Variants in UNC5D observed in about 807,000 individuals in gnomAD.
The protein encoded by UNC5D is netrin receptor UNC5D.
A neutral mutation model predicts 105.4 loss-of-function variants in UNC5D; 39 were observed. The ratio of observed to expected loss-of-function variants is 0.37; its 90% CI spans 0.29 to 0.48. UNC5D has a LOEUF of 0.48. Among genes scored for constraint, UNC5D ranks in the 20% least tolerant of loss-of-function variants. The pLI is 0.98. For synonymous variants in UNC5D, 452 were observed against 450.4 expected, an observed-to-expected ratio of 1.00 and a Z score of -0.04; for missense variants, 991 against 1,202.4, an observed-to-expected ratio of 0.82 and a Z score of 2.60.
At chr8:35,657,330 G>C (rs1291663850) in intron 4 of UNC5D, among the ~76,000 whole-genome samples, 1 of 151,492 alleles carries the variant, frequency 6.6e-6, no homozygotes, top group African/African-American at 2.4e-5. Context: ...CAAAAAATCT[G>C]AAGGGCTAAT....
In UNC5D at chr8:35,726,378, T is replaced by A. The variant is rs749601240; in HGVS notation, c.1530T>A (p.Phe510Leu). ...EYHGKNHSRTFPHGNNHSFST... is the reference protein window; with the variant it reads ...EYHGKNHSRTLPHGNNHSFST... ...ACGGCAAGAATCATTCCAGGACTTT[T>A]CCCCATGGAAACAACCACAGCTTTA... The change falls in exon 10 of 17, where the codon TTT becomes TTA. Residue 510 changes from phenylalanine to leucine, a missense_variant. Physicochemically the swap from Phe to Leu is conservative, Grantham distance 22. Transcript: ENST00000404895. 6.2e-7 allele frequency: 1 copy of A among 1,614,070 alleles called. No individual in the cohort carries two copies. The highest frequency in any genetic ancestry group is 8.5e-7 in the Non-Finnish European group (1 of 1,180,002).
At chr8:35,433,908 G>C (rs1164604175) in intron 1 of UNC5D, among the ~76,000 whole-genome samples, 1 of 151,142 alleles carries the variant, frequency 6.6e-6, no homozygotes, top group African/African-American at 2.4e-5. Context: ...ATTTATACCA[G>C]TGGAACTTTC....
intron 1 of UNC5D, among the ~76,000 whole-genome samples, chr8:35,442,174 T>C (rs184371172): frequency 3.9e-5 from 6 of 152,108 alleles, no homozygotes; most frequent in Admixed American, 1.3e-4. Flanking sequence ...TTTTGTTGTT[T>C]TTTAATAGCA....
chr8:35,540,444 GGTGTGTGTGTGTGTGTGTGTGT>G (rs11467586), intron 1 of UNC5D, among the ~76,000 whole-genome samples: 2 of 142,698 alleles, frequency 1.4e-5, no homozygotes, highest in East Asian at 2.1e-4. Context: ...AAAGCAGAGG[GGTGTGTGTGTGTGTGTGTGTGT>G]GTGTGTGTGT....
intron 4 of UNC5D, among the ~76,000 whole-genome samples, chr8:35,660,779 A>G (rs1247303442): frequency 1.3e-5 from 2 of 152,162 alleles, no homozygotes; most frequent in Admixed American, 6.5e-5. Flanking sequence ...ACAACCACCT[A>G]CTGCCCAATG....
intron 3 of UNC5D, among the ~76,000 whole-genome samples, chr8:35,579,303 T>C (rs1448239640): frequency 6.6e-6 from 1 of 152,172 alleles, no homozygotes; most frequent in African/African-American, 2.4e-5. Context: ...GAAAGAATAC[T>C]AACTAAGGTG....
chr8:35,605,035 C>T (rs1047180851), intron 4 of UNC5D, among the ~76,000 whole-genome samples: 1 of 152,190 alleles, frequency 6.6e-6, no homozygotes, highest in African/African-American at 2.4e-5. Flanking sequence ...AGGCCTTCCT[C>T]TCTCAACTCG....
At chr8:35,322,243 G>C (rs1431172251) in intron 1 of UNC5D, among the ~76,000 whole-genome samples, 1 of 151,990 alleles carries the variant, frequency 6.6e-6, no homozygotes, top group Non-Finnish European at 1.5e-5. Flanking sequence ...CATATTTATT[G>C]CCTGCATCTC....
chr8:35,781,047 A>G (rs748093042), intron 16 of UNC5D, among the ~76,000 whole-genome samples: 3 of 152,192 alleles, frequency 2.0e-5, no homozygotes, highest in Non-Finnish European at 2.9e-5. Flanking sequence ...AGTATTATAC[A>G]TCGGTCCTTG....
At chr8:35,247,411 C>CT in intron 1 of UNC5D, among the ~76,000 whole-genome samples, 1 of 146,454 alleles carries the variant, frequency 6.8e-6, no homozygotes, top group East Asian at 2.0e-4. Context: ...GTTAGGGTGC[C>CT]TTAAGTCTTA....
intron 4 of UNC5D, among the ~76,000 whole-genome samples, chr8:35,648,882 A>T (rs975935440): frequency 2.0e-5 from 3 of 152,122 alleles, no homozygotes; most frequent in African/African-American, 7.2e-5. Flanking sequence ...TTCTTGGACA[A>T]GGTAAACACT....
chr8:35,763,840 G>GAGAC (rs1801650802), intron 14 of UNC5D, among the ~76,000 whole-genome samples: 1 of 152,158 alleles, frequency 6.6e-6, no homozygotes, highest in African/African-American at 2.4e-5. Flanking sequence ...GGCCAGGCAG[G>GAGAC]AGACAGAGTT....
At chr8:35,603,761 T>C (rs1307144125) in intron 4 of UNC5D, among the ~76,000 whole-genome samples, 8 of 152,158 alleles carry the variant, frequency 5.3e-5, no homozygotes, top group Non-Finnish European at 1.0e-4. Flanking sequence ...GGATAGTTAG[T>C]TCTTCTTGTT....
In UNC5D at chr8:35,591,506, T is replaced by C. The variant is rs115228889; in HGVS notation, c.467-4048T>C. ...TGAGTCATTTTGCAAACTCAAGTCC[T>C]TTTTTAGCTTAGAGAACTATTATTA... On this transcript the variant is annotated intron_variant, in intron 3 of 16. Transcript: ENST00000404895. 5.7e-3 allele frequency among the ~76,000 whole-genome samples: 865 copies of C among 152,288 alleles called. 3 individuals carry two copies. The highest frequency in any genetic ancestry group is 0.02 in the African/African-American group (831 of 41,564).
chr8:35,337,778 G>A (rs555116123), intron 1 of UNC5D, among the ~76,000 whole-genome samples: 1 of 151,308 alleles, frequency 6.6e-6, no homozygotes, highest in South Asian at 2.1e-4. Context: ...AAAACAGATA[G>A]CCAAGGAAGT....
At chr8:35,240,418 A>G (rs188867407) in intron 1 of UNC5D, among the ~76,000 whole-genome samples, 1 of 152,350 alleles carries the variant, frequency 6.6e-6, no homozygotes, top group East Asian at 1.9e-4. Context: ...TATTAGTAAT[A>G]CTTTCATACT....
intron 1 of UNC5D, among the ~76,000 whole-genome samples, chr8:35,397,313 T>G (rs1804169242): frequency 6.6e-6 from 1 of 152,200 alleles, no homozygotes. Flanking sequence ...CAAGCTGTAG[T>G]GTTTGTACAA....
intron 1 of UNC5D, among the ~76,000 whole-genome samples, chr8:35,318,899 C>T (rs554222825): frequency 6.6e-6 from 1 of 151,980 alleles, no homozygotes; most frequent in South Asian, 2.1e-4. Context: ...AAGTGTATAT[C>T]CTAAAAATAC....
intron 10 of UNC5D, 37 bp downstream of exon 10, chr8:35,726,566 T>C: frequency 6.3e-7 from 1 of 1,591,920 alleles, no homozygotes; most frequent in Non-Finnish European, 8.5e-7. Context: ...TTTTCCATCA[T>C]TTAAATGTTT....
Sources: gnomAD v4.1 joint callset for allele counts (sites outside exome capture counted in the v4.1 genomes callset) on GRCh38, gnomAD v4.1.1 for gene constraint, MANE v1.5 for transcripts, NCBI Gene and HGNC (gene_info 2026-07-23, HGNC 2026-07-21) for gene names.